The following DDX60 variants were observed in gnomAD, a reference collection of about 807,000 sequenced individuals.
DDX60 encodes probable ATP-dependent RNA helicase DDX60.
A neutral mutation model predicts 212.8 loss-of-function variants in DDX60; 165 were observed. The observed-to-expected ratio is 0.78, with a 90% CI of 0.68 to 0.88. The LOEUF (loss-of-function observed/expected upper bound fraction) is 0.88. Ranked by LOEUF, DDX60 falls within the 40% of genes least tolerant of loss-of-function variation. The pLI, the probability that DDX60 is intolerant of heterozygous loss-of-function variation, is 0.00. For missense variants in DDX60, 1,905 were observed against 2,003.9 expected (o/e 0.95, Z 0.94); for synonymous variants, 703 against 685.3 (o/e 1.03, Z -0.40).
intron 25 of DDX60, 138 bp downstream of exon 25, chr4:168,260,727 C>T (rs1475774761): frequency 3.8e-6 from 3 of 786,278 alleles, no homozygotes; most frequent in Non-Finnish European, 6.3e-6. Context: ...CCACTCACCT[C>T]CTGCTCTGTG....
chr4:168,272,213 AGATAGACTTATGAGTCCT>A (rs1487733281), intron 18 of DDX60, 75 bp from the exon 19 acceptor site: 2 of 1,207,090 alleles, frequency 1.7e-6, no homozygotes, highest in Non-Finnish European at 1.2e-6. Context: ...GGAATATGTA[AGATAGACTTATGAGTCCT>A]GAATGTACCT....
rs547003088 is a variant in DDX60 at position 168,300,917 on chromosome 4, G to A, written c.723+1383C>T. Among the ~76,000 whole-genome samples, 7 of 152,102 alleles carry A rather than the reference G, an allele frequency of 4.6e-5. 1 individual carries two copies. The highest frequency in any genetic ancestry group is 3.4e-3 in the Middle Eastern group (1 of 294). On this transcript the variant is annotated intron_variant, in intron 6 of 37. Transcript: ENST00000393743. ...GTTAGCAATTACAAAATTACTATAC[G>A]GAGGGAAATAATAGTCACGGGGGCT...
intron 8 of DDX60, among the ~76,000 whole-genome samples, chr4:168,290,209 A>T (rs73863028): frequency 0.019 from 2,916 of 152,094 alleles, 80 homozygotes; most frequent in African/African-American, 0.066. Context: ...ATAATCACAC[A>T]TGCTGCTTCA....
chr4:168,320,282 G>A (rs1201460412), upstream of DDX60, among the ~76,000 whole-genome samples: 1 of 152,086 alleles, frequency 6.6e-6, no homozygotes, highest in Non-Finnish European at 1.5e-5. Flanking sequence ...TATCCAGGTG[G>A]GCCCAAGGTC....
intron 28 of DDX60, among the ~76,000 whole-genome samples, chr4:168,249,705 C>A (rs950715321): frequency 2.0e-5 from 3 of 152,092 alleles, no homozygotes; most frequent in African/African-American, 7.2e-5. Flanking sequence ...TCTATCAATT[C>A]ATAAGCATGT....
the DDX60 span, among the ~76,000 whole-genome samples, chr4:168,324,160 C>T: frequency 6.6e-5 from 10 of 152,244 alleles, no homozygotes; most frequent in South Asian, 1.0e-3. Flanking sequence ...GCCTTGGTAG[C>T]GGAGCCAGGC....
chr4:168,292,501 C>T (rs115163028), intron 7 of DDX60, among the ~76,000 whole-genome samples: 454 of 152,236 alleles, frequency 3.0e-3, no homozygotes, highest in African/African-American at 9.9e-3. Context: ...TTAGTTAAGC[C>T]AAACTCTACA....
chr4:168,270,190 G>A (rs1192180589), intron 19 of DDX60, among the ~76,000 whole-genome samples: 5 of 152,176 alleles, frequency 3.3e-5, no homozygotes, highest in African/African-American at 1.2e-4. Context: ...TAGCACTGAG[G>A]AGGCACTCCT....
At chr4:168,258,726 C>A (rs2149510079) in intron 25 of DDX60, among the ~76,000 whole-genome samples, 1 of 152,112 alleles carries the variant, frequency 6.6e-6, no homozygotes, top group Middle Eastern at 3.4e-3. Flanking sequence ...ATGCTACTCC[C>A]AAAATATACC....
intron 33 of DDX60, among the ~76,000 whole-genome samples, chr4:168,234,378 GCTGT>G (rs1220114467): frequency 3.3e-5 from 5 of 151,184 alleles, no homozygotes; most frequent in East Asian, 1.9e-4. Context: ...TGTTTGTTAC[GCTGT>G]CTGATTTTTT....
At chr4:168,294,039 C>T (rs1190415447) in intron 6 of DDX60, 94 bp from the exon 7 acceptor site, 1 of 1,117,306 alleles carries the variant, frequency 9.0e-7, no homozygotes. Flanking sequence ...AGGCTTAATA[C>T]ATGTGTGACA....
chr4:168,274,099 T>A lies in DDX60; in HGVS notation c.2305-16A>T. 1 of 1,613,556 alleles carries A rather than the reference T, an allele frequency of 6.2e-7. No individual in the cohort carries two copies. Among genetic ancestry groups the A allele is most frequent in the Non-Finnish European group, 8.5e-7 (1 of 1,179,768 alleles). On this transcript the variant is annotated splice_polypyrimidine_tract_variant and intron_variant, in intron 16 of 37. Coordinates refer to ENST00000393743, the MANE Select transcript of DDX60 (RefSeq NM_017631.6). ...GGAGCTCTCGCTGCAGGGTGCAGAG[T>A]ACCATTCATGTCAAGAAACTGAACC...
At chr4:168,255,372 T>G (rs1734362550) in intron 26 of DDX60, among the ~76,000 whole-genome samples, 1 of 152,326 alleles carries the variant, frequency 6.6e-6, no homozygotes, top group South Asian at 2.1e-4. Context: ...TATTTAAACC[T>G]TCTGAGAACT....
intron 37 of DDX60, chr4:168,220,422 T>G (rs997737109): frequency 8.9e-6 from 3 of 336,262 alleles, no homozygotes; most frequent in Admixed American, 1.0e-4. Context: ...GCTGAGACTC[T>G]AGTCTGGATG....
chr4:168,279,888 C>T (rs1365876082), intron 14 of DDX60, among the ~76,000 whole-genome samples: 1 of 152,116 alleles, frequency 6.6e-6, no homozygotes, highest in Non-Finnish European at 1.5e-5. Flanking sequence ...TCAGATGGAA[C>T]ACAGCATTAA....
chr4:168,312,756 G>GATAGATAGATAGATAGATAGATATGAT (rs1560884812), intron 1 of DDX60, among the ~76,000 whole-genome samples: 1 of 68,974 alleles, frequency 1.4e-5, no homozygotes, highest in African/African-American at 8.5e-5. Flanking sequence ...ATATGATAGA[G>GATAGATAGATAGATAGATAGATATGAT]AGAGAGAGAT....
intron 5 of DDX60, among the ~76,000 whole-genome samples, chr4:168,305,355 A>C (rs1041742885): frequency 2.6e-5 from 4 of 152,214 alleles, no homozygotes; most frequent in Non-Finnish European, 5.9e-5. Flanking sequence ...TTCCAAATAC[A>C]TGAGGAGTAT....
chr4:168,241,883 C>A (rs1405899981), intron 30 of DDX60, among the ~76,000 whole-genome samples: 2 of 152,086 alleles, frequency 1.3e-5, no homozygotes, highest in Admixed American at 6.6e-5. Context: ...TTTGTGGCAG[C>A]CCCTTTCATC....
chr4:168,253,904 A>T (rs1033173258), intron 26 of DDX60, among the ~76,000 whole-genome samples: 3 of 152,158 alleles, frequency 2.0e-5, no homozygotes, highest in African/African-American at 7.2e-5. Context: ...TTGATTTTTT[A>T]AATTTTTCTC....
Sources: gnomAD v4.1 joint callset for allele counts (sites outside exome capture counted in the v4.1 genomes callset) on GRCh38, gnomAD v4.1.1 for gene constraint, MANE v1.5 for transcripts, NCBI Gene and HGNC (gene_info 2026-07-23, HGNC 2026-07-21) for gene names.